MED25: variants seen among roughly 807,000 people sequenced by gnomAD.
MED25 encodes mediator of RNA polymerase II transcription subunit 25.
In MED25, 62 loss-of-function variants were observed where a neutral mutation model predicts 89.4. The observed-to-expected ratio is 0.69, with a 90% CI of 0.57 to 0.86. The LOEUF (loss-of-function observed/expected upper bound fraction) is 0.86, where lower values mean the gene tolerates loss of function less well. MED25 is among the 40% of genes least tolerant of loss of function. The pLI is 0.00. For missense variants in MED25, 905 were observed against 1,005.2 expected (o/e 0.90, Z 1.35); for synonymous variants, 449 against 427.9 (o/e 1.05, Z -0.61).
chr19:49,819,054 G>T (rs1041986974), intron 2 of MED25, 118 bp from the exon 3 acceptor site: 56 of 1,265,016 alleles, frequency 4.4e-5, no homozygotes, highest in Non-Finnish European at 5.9e-5. Flanking sequence ...TCTGAGGAAG[G>T]AGGAAGCTGA....
At position 49,832,430 on chromosome 19, in the gene MED25, TG is replaced by T. The variant is rs772160053; in HGVS notation, c.1482+21del. The T allele has an allele frequency of 2.8e-6, 4 of 1,445,804 alleles. No homozygotes were observed. Among genetic ancestry groups the T allele is most frequent in the Non-Finnish European group, 2.9e-6 (3 of 1,031,346 alleles). The allele number at this position is 1,445,804 out of a possible 1,614,324, so 89.6% of individuals were successfully genotyped here. On this transcript the variant is annotated intron_variant, in intron 13 of 17. Coordinates refer to ENST00000312865, the MANE Select transcript of MED25 (RefSeq NM_030973.4). ...GCAACGGCTTCGTGAGTCCAGGGCATGGGGGGCCGAGGGGTGTTGACTCTTG... is the reference window on the plus strand; with the variant it reads ...GCAACGGCTTCGTGAGTCCAGGGCATGGGGGCCGAGGGGTGTTGACTCTTG...
Position 49,818,589 on chromosome 19 carries a change from T to G in MED25, c.153T>G (p.Pro51=). Residue 51 remains proline (P), a synonymous_variant, in exon 2 of 18, where the codon CCT becomes CCG. Transcript: ENST00000312865. ...CTCACAGGTATTTTAATGGTGGTCC[T>G]CCTGCTGAGACGGACTTCGGGGGAG... ...LPAIEYFNGG[P]PAETDFGGDY... 6.2e-7 allele frequency: 1 copy of G among 1,614,134 alleles called. No individual in the cohort carries two copies. The highest frequency in any genetic ancestry group is 1.3e-5 in the African/African-American group (1 of 75,046).
Position 49,830,043 on chromosome 19 carries a change from C to A in MED25, c.689-45C>A. 1 of 1,598,950 alleles carries A rather than the reference C, an allele frequency of 6.3e-7. No individual in the cohort carries two copies. On this transcript the variant is annotated intron_variant, in intron 6 of 17. Coordinates refer to ENST00000312865, the MANE Select transcript of MED25 (RefSeq NM_030973.4). This position sits in a 1 kb window ranked among gnomAD's most constrained non-coding sequence, Gnocchi z 4.6. ...TTGGATTTCTCTCCTTTCTCTGCAT[C>A]TTGAATCCCTTCTCTCTGGGGTTGG...
intron 4 of MED25, 23 bp from the exon 5 acceptor site, chr19:49,828,946 CA>C (rs774113762): frequency 1.2e-6 from 2 of 1,613,654 alleles, no homozygotes; most frequent in African/African-American, 2.7e-5. Flanking sequence ...CTGCTGGCTC[CA>C]TGTCTTCTCT....
At chr19:49,820,954 T>C (rs1006700055) in intron 3 of MED25, among the ~76,000 whole-genome samples, 1 of 152,248 alleles carries the variant, frequency 6.6e-6, no homozygotes, top group African/African-American at 2.4e-5. Context: ...TTTCATTGTA[T>C]TACTTATTCT....
At position 49,835,787 on chromosome 19, in the gene MED25, G is replaced by A. The variant is rs2123888223; in HGVS notation, c.1807G>A (p.Gly603Arg). The change falls in exon 16 of 18, where the codon GGG becomes AGG. Residue 603 changes from glycine to arginine, a missense_variant. By Grantham distance (125) the Gly-to-Arg change is moderately radical. This residue lies in a region of MED25 where 271 missense variants were observed against 258.1 expected (regional missense o/e 1.05). Coordinates refer to ENST00000312865, the MANE Select transcript of MED25 (RefSeq NM_030973.4). The surrounding 1 kb of genome is among the most constrained non-coding windows in gnomAD (Gnocchi z 6.2). ...QGTVGASGATGQPQPQGTAQP... is the reference protein window; with the variant it reads ...QGTVGASGATRQPQPQGTAQP... ...TACCGTAGGGGCCTCTGGGGCCACG[G>A]GGCAGCCCCAGCCCCAAGGTACTGC... 2.5e-6 allele frequency: 4 copies of A among 1,607,422 alleles called. No individual in the cohort carries two copies. Among genetic ancestry groups the A allele is most frequent in the Non-Finnish European group, 3.4e-6 (4 of 1,175,876 alleles).
Position 49,818,294 on chromosome 19 carries a change from G to T in MED25, c.-48G>T, listed in dbSNP as rs777452872. On this transcript the variant is annotated 5_prime_UTR_variant, in exon 1 of 18. Coordinates refer to ENST00000312865, the MANE Select transcript of MED25 (RefSeq NM_030973.4). ...GCGCAGGCGCATTTCTGCTCATTCC[G>T]CGGCGTCGGCTGCGGCTGCAGTGGT... 1.3e-6 allele frequency: 2 copies of T among 1,547,990 alleles called. No individual in the cohort carries two copies. The highest frequency in any genetic ancestry group is 2.4e-5 in the East Asian group (1 of 41,402).
intron 3 of MED25, among the ~76,000 whole-genome samples, chr19:49,824,106 C>T (rs769118295): frequency 4.6e-5 from 7 of 152,136 alleles, no homozygotes; most frequent in Non-Finnish European, 8.8e-5. Flanking sequence ...AGCACAGGGC[C>T]TGGTACACAG....
downstream of MED25, among the ~76,000 whole-genome samples, chr19:49,837,348 A>G (rs1457064848): frequency 1.3e-5 from 2 of 152,260 alleles, no homozygotes; most frequent in Non-Finnish European, 2.9e-5. Flanking sequence ...ACTCAAAGGC[A>G]GGAGGAAGCC....
intron 3 of MED25, 124 bp from the exon 4 acceptor site, chr19:49,828,325 C>G: frequency 2.7e-6 from 2 of 729,632 alleles, no homozygotes; most frequent in Admixed American, 1.8e-5. Flanking sequence ...TCAGCAGGGT[C>G]CCCGTCATCC....
chr19:49,825,088 T>G (rs1007216677), intron 3 of MED25, among the ~76,000 whole-genome samples: 6 of 152,190 alleles, frequency 3.9e-5, no homozygotes, highest in African/African-American at 4.8e-5. Context: ...CCATAGTGCT[T>G]CTTCTGTTCA....
chr19:49,828,981 A>AC lies in MED25; in HGVS notation c.418dup (p.Arg140ProfsTer18). On this transcript the variant is annotated frameshift_variant, in exon 5 of 18. Transcript: ENST00000312865. LOFTEE classifies it high-confidence loss of function. The stretch of plus-strand genomic sequence containing the variant: ...CTCTTTCCTGGTAGTGGCCAGACGC[A>AC]CCGGGTCTGCCTCCTCATCTGCAAC... The AC allele has an allele frequency of 6.2e-7, 1 of 1,613,950 alleles. No individual in the cohort carries two copies. Among genetic ancestry groups the AC allele is most frequent in the East Asian group, 2.2e-5 (1 of 44,868 alleles).
chr19:49,838,519 G>A (rs2074114983), downstream of MED25: 1 of 454,702 alleles, frequency 2.2e-6, no homozygotes, highest in South Asian at 1.6e-5. Flanking sequence ...CACTGTGGTT[G>A]TTCTGTGGTA....
In MED25 at chr19:49,829,118, G is replaced by A. The variant is rs183713569; in HGVS notation, c.525+28G>A. 0.013 allele frequency: 20,962 copies of A among 1,603,372 alleles called. 183 individuals are homozygous for A. Among genetic ancestry groups the A allele is most frequent in the Non-Finnish European group, 0.016 (18,382 of 1,173,430 alleles). ...GAGGACTCCAGGGTCTGAGGGACGA[G>A]GGTCTGGGGGCCCGGAGTCTTGGGT... On this transcript the variant is annotated intron_variant, in intron 5 of 17. Coordinates refer to ENST00000312865, the MANE Select transcript of MED25 (RefSeq NM_030973.4). This position sits in a 1 kb window ranked among gnomAD's most constrained non-coding sequence, Gnocchi z 4.6.
intron 13 of MED25, 23 bp downstream of exon 13, chr19:49,832,438 C>T (rs201017465): frequency 5.0e-5 from 68 of 1,364,832 alleles, no homozygotes; most frequent in South Asian, 2.7e-4. Flanking sequence ...CATGGGGGGC[C>T]GAGGGGTGTT....
In MED25 at chr19:49,818,289, A is replaced by G; in HGVS notation, c.-53A>G. 6 of 1,543,096 alleles carry G rather than the reference A, an allele frequency of 3.9e-6. No homozygotes were observed. Among genetic ancestry groups the G allele is most frequent in the Non-Finnish European group, 5.2e-6 (6 of 1,143,034 alleles). ...GCGCGGCGCAGGCGCATTTCTGCTC[A>G]TTCCGCGGCGTCGGCTGCGGCTGCA... On this transcript the variant is annotated 5_prime_UTR_variant, in exon 1 of 18. Transcript: ENST00000312865.
At chr19:49,839,976 G>C (rs184806060), downstream of MED25, 16 of 152,112 alleles carry the variant, frequency 1.1e-4, no homozygotes, top group African/African-American at 3.4e-4. Context: ...ATACAAGTCT[G>C]TGTGAAGATG....
Position 49,827,145 on chromosome 19 carries a change from G to A in MED25, c.306-1304G>A, listed in dbSNP as rs146134576. ...CCTCAAGACCCTCAGAGGGGTGCTC[G>A]GTCTCCACACACGTCCCCTGCAGCA... is the stretch of plus-strand genomic sequence containing the variant. On this transcript the variant is annotated intron_variant, in intron 3 of 17. Coordinates refer to ENST00000312865, the MANE Select transcript of MED25 (RefSeq NM_030973.4). 9.9e-5 allele frequency among the ~76,000 whole-genome samples: 15 copies of A among 152,206 alleles called. 1 individual carries two copies. The highest frequency in any genetic ancestry group is 2.1e-4 in the South Asian group (1 of 4,820).
chr19:49,832,008 C>G lies in MED25; in HGVS notation c.1303C>G (p.His435Asp). The change falls in exon 11 of 18, where the codon CAT becomes GAT. Residue 435 changes from histidine (H) to aspartate (D), a missense_variant. His to Asp is a moderately conservative substitution (Grantham distance 81). Transcript: ENST00000312865. The stretch of plus-strand genomic sequence containing the variant: ...ACTGCCCTGCCAGGTCTACGTGAAT[C>G]ATGGCGAGAACCTGTAGGTGACAGT... ...RSLPCQVYVN[H>D]GENLKTEQWP... The G allele has an allele frequency of 1.9e-6, 3 of 1,613,916 alleles. No individual in the cohort carries two copies. Among genetic ancestry groups the G allele is most frequent in the African/African-American group, 1.3e-5 (1 of 75,008 alleles).
Sources: allele counts gnomAD v4.1 joint callset (sites outside exome capture counted in the v4.1 genomes callset), GRCh38; gene constraint gnomAD v4.1.1; regional missense constraint gnomAD v4.1.1; non-coding constraint Gnocchi (gnomAD v3.1); transcripts MANE v1.5; gene names NCBI Gene and HGNC (gene_info 2026-07-23, HGNC 2026-07-21).